The following CCDC171 variants were observed in gnomAD, a reference collection of about 807,000 sequenced individuals.
The protein encoded by CCDC171 is coiled-coil domain-containing protein 171.
A neutral mutation model predicts 168.2 loss-of-function variants in CCDC171; 177 were observed. That is an observed-to-expected ratio of 1.05 (90% CI 0.93 to 1.19). CCDC171 has a LOEUF of 1.19. CCDC171 is among the 50% of genes most tolerant of loss of function. CCDC171 has a pLI of 0.00. For missense variants in CCDC171, 1,991 were observed against 1,539.0 expected (o/e 1.29, Z -4.91); for synonymous variants, 687 against 540.8 (o/e 1.27, Z -3.75).
chr9:15,874,594 A>G lies in CCDC171; in HGVS notation c.3531A>G (p.Leu1177=). 1 of 1,607,458 alleles carries G rather than the reference A, an allele frequency of 6.2e-7. No individual in the cohort carries two copies. Among genetic ancestry groups the G allele is most frequent in the South Asian group, 1.1e-5 (1 of 89,784 alleles). The change falls in exon 24 of 26, where the codon CTA becomes CTG. Residue 1177 remains leucine (L), a synonymous_variant. Coordinates refer to ENST00000380701, the MANE Select transcript of CCDC171 (RefSeq NM_173550.4). ...GTAGGAATGACTTCACCCTACAGCTACCCAAACTGCACCTGGAGACCTTTG... is the reference window on the plus strand; with the variant it reads ...GTAGGAATGACTTCACCCTACAGCTGCCCAAACTGCACCTGGAGACCTTTG... ...AASRNDFTLQ[L]PKLHLETFAM...
At chr9:15,906,785 G>A (rs1210285371) in intron 24 of CCDC171, among the ~76,000 whole-genome samples, 1 of 152,048 alleles carries the variant, frequency 6.6e-6, no homozygotes, top group African/African-American at 2.4e-5. Flanking sequence ...CATCGTCTCA[G>A]CCCAAAATCT....
chr9:16,060,165 T>C (rs1039626341), intron 1 of CCDC171, among the ~76,000 whole-genome samples: 2 of 152,212 alleles, frequency 1.3e-5, no homozygotes, highest in African/African-American at 4.8e-5. Flanking sequence ...GGCTAGTGGC[T>C]GGACCTGCAC....
chr9:15,758,980 T>C (rs922030766), intron 18 of CCDC171, among the ~76,000 whole-genome samples: 3 of 152,212 alleles, frequency 2.0e-5, no homozygotes, highest in Admixed American at 6.5e-5. Context: ...GAAAACAGAC[T>C]AATACAGTGG....
intron 4 of CCDC171, 22 bp downstream of exon 4, chr9:15,579,045 C>G: frequency 6.2e-7 from 1 of 1,603,974 alleles, no homozygotes; most frequent in Non-Finnish European, 8.5e-7. Context: ...TCTATTTCTT[C>G]CCAAGTTTAG....
chr9:16,064,424 G>C (rs1392084422), downstream of CCDC171, among the ~76,000 whole-genome samples: 2 of 152,146 alleles, frequency 1.3e-5, no homozygotes, highest in African/African-American at 4.8e-5. Context: ...GGGAGGCTGA[G>C]GGCAGAGGAG....
Position 15,818,423 on chromosome 9 carries a change from T to C in CCDC171, c.3268-28279T>C, listed in dbSNP as rs1222133540. 1.2e-4 allele frequency among the ~76,000 whole-genome samples: 14 copies of C among 116,334 alleles called. 5 individuals are homozygous for C. Among genetic ancestry groups the C allele is most frequent in the South Asian group, 2.8e-4 (1 of 3,516 alleles). The allele number at this position is 116,334 out of a possible 152,430, so 76.3% of individuals were successfully genotyped here. A position where few individuals can be genotyped will look rare whatever the true frequency, so the allele number is the denominator to read the frequency against. On this transcript the variant is annotated intron_variant, in intron 21 of 25. Coordinates refer to ENST00000380701, the MANE Select transcript of CCDC171 (RefSeq NM_173550.4). ...AGCTAAAGGAGGAAGTTCGAACGAA[T>C]GGCAAAGAAGTTAAAAACCTTTAAA...
chr9:15,897,234 A>C (rs985955112), intron 24 of CCDC171, among the ~76,000 whole-genome samples: 1 of 151,994 alleles, frequency 6.6e-6, no homozygotes, highest in African/African-American at 2.4e-5. Context: ...TACATAGCAC[A>C]TTATCATTTT....
intron 21 of CCDC171, among the ~76,000 whole-genome samples, chr9:15,815,213 G>A (rs1265157682): frequency 5.3e-5 from 8 of 151,964 alleles, no homozygotes; most frequent in East Asian, 1.9e-4. Context: ...CAAGACTTAC[G>A]CCTCTTCCTA....
chr9:15,770,257 T>C (rs1231066996), intron 18 of CCDC171, among the ~76,000 whole-genome samples: 2 of 152,236 alleles, frequency 1.3e-5, no homozygotes, highest in African/African-American at 4.8e-5. Context: ...AATGTTCTTA[T>C]TTGGTTTATG....
chr9:15,690,225 A>G (rs1257862932), intron 10 of CCDC171, among the ~76,000 whole-genome samples: 2 of 152,194 alleles, frequency 1.3e-5, no homozygotes, highest in Non-Finnish European at 2.9e-5. Context: ...TGAAAATACT[A>G]AAAACATTAA....
chr9:15,623,418 A>G lies in CCDC171; in HGVS notation c.822+5A>G. The G allele has an allele frequency of 4.4e-6, 7 of 1,582,088 alleles. No individual in the cohort carries two copies. The highest frequency in any genetic ancestry group is 6.0e-6 in the Non-Finnish European group (7 of 1,162,130). On this transcript the variant is annotated splice_donor_5th_base_variant and intron_variant, in intron 7 of 25. Coordinates refer to ENST00000380701, the MANE Select transcript of CCDC171 (RefSeq NM_173550.4). Reference sequence around the variant, plus strand: ...CGCCTTAGAAAAGAATTTGAGGTACATTTTCTCATTCCTTTATAATATATA... The same window carrying G: ...CGCCTTAGAAAAGAATTTGAGGTACGTTTTCTCATTCCTTTATAATATATA...
At chr9:15,738,297 A>G (rs530960333) in intron 16 of CCDC171, among the ~76,000 whole-genome samples, 1 of 152,330 alleles carries the variant, frequency 6.6e-6, no homozygotes, top group East Asian at 1.9e-4. Flanking sequence ...GTGATTCATT[A>G]AGGAAAAAAG....
chr9:15,948,803 C>A (rs1320979810), intron 25 of CCDC171, among the ~76,000 whole-genome samples: 1 of 151,458 alleles, frequency 6.6e-6, no homozygotes, highest in African/African-American at 2.4e-5. Context: ...GTTTCTTTTG[C>A]TGTGCAGAAG....
intron 2 of CCDC171, among the ~76,000 whole-genome samples, chr9:15,567,291 A>T (rs951009231): frequency 6.6e-6 from 1 of 152,190 alleles, no homozygotes; most frequent in Non-Finnish European, 1.5e-5. Context: ...CAGTGCTGGG[A>T]TTACAGGCGT....
rs563329483 is a variant in CCDC171 at position 15,983,815 on chromosome 9, A to AGTGTGTGTGTGTGTGTGTGT, written n.369-36773_369-36772insTGTGTGTGTGTGTGTGTGTG. Among the ~76,000 whole-genome samples, 230 of 124,536 alleles carry AGTGTGTGTGTGTGTGTGTGT rather than the reference A, an allele frequency of 1.8e-3. 14 individuals carry two copies. Among genetic ancestry groups the AGTGTGTGTGTGTGTGTGTGT allele is most frequent in the African/African-American group, 7.2e-4 (25 of 34,578 alleles). 81.7% of individuals were successfully genotyped at this position (124,536 alleles called of 152,430 possible). ...GTAGGGAGGCAAGAGCTAAATAAAG[A>AGTGTGTGTGTGTGTGTGTGT]GAGTGTGTGTGTGTGTGTGTGTGTG... On this transcript the variant is annotated intron_variant and non_coding_transcript_variant, in intron 3 of 9. Transcript: ENST00000486641.
At chr9:15,988,156 A>G (rs571958539) in intron 3 of CCDC171, among the ~76,000 whole-genome samples, 3 of 152,360 alleles carry the variant, frequency 2.0e-5, no homozygotes, top group South Asian at 4.1e-4. Flanking sequence ...TAGCATCACC[A>G]GGATACTGTC....
At chr9:15,807,547 T>C (rs377377124) in intron 21 of CCDC171, among the ~76,000 whole-genome samples, 1 of 152,140 alleles carries the variant, frequency 6.6e-6, no homozygotes, top group African/African-American at 2.4e-5. Context: ...ATAATAAATG[T>C]AGACTCACCA....
intron 10 of CCDC171, among the ~76,000 whole-genome samples, chr9:15,691,892 C>CA (rs1469133211): frequency 1.3e-5 from 2 of 151,972 alleles, no homozygotes; most frequent in African/African-American, 4.8e-5. Flanking sequence ...TGCCCAGGCT[C>CA]ACCTTGAACT....
At chr9:15,642,449 G>A (rs1203220380) in intron 7 of CCDC171, among the ~76,000 whole-genome samples, 1 of 149,306 alleles carries the variant, frequency 6.7e-6, no homozygotes, top group African/African-American at 2.5e-5. Flanking sequence ...AGGATTGGAT[G>A]CCTATGAAAC....
Sources: gnomAD v4.1 joint callset for allele counts (sites outside exome capture counted in the v4.1 genomes callset) on GRCh38, gnomAD v4.1.1 for gene constraint, MANE v1.5 for transcripts, NCBI Gene and HGNC (gene_info 2026-07-23, HGNC 2026-07-21) for gene names.